Variants in GABRB3 observed in about 807,000 individuals in gnomAD.
The protein encoded by GABRB3 is gamma-aminobutyric acid receptor subunit beta-3.
A neutral mutation model predicts 52.1 loss-of-function variants in GABRB3; 14 were observed. That is an observed-to-expected ratio of 0.27 (90% confidence interval 0.18 to 0.42). The LOEUF is 0.42. GABRB3 is among the 10% of genes least tolerant of loss of function. The probability of loss-of-function intolerance (pLI) is 1.00; values close to 1 mark genes in which losing one functional copy is unlikely to be tolerated. For missense variants in GABRB3, 307 were observed against 609.1 expected, an observed-to-expected ratio of 0.50 and a Z score of 5.22; for synonymous variants, 260 against 232.3, an observed-to-expected ratio of 1.12 and a Z score of -1.08.
At chr15:26,635,626 A>T (rs1893037586) in intron 3 of GABRB3, among the ~76,000 whole-genome samples, 1 of 152,172 alleles carries the variant, frequency 6.6e-6, no homozygotes, top group South Asian at 2.1e-4. Flanking sequence ...ACCTTTCTTA[A>T]TGGGTTTTTT....
intron 6 of GABRB3, among the ~76,000 whole-genome samples, chr15:26,571,156 C>CCTTT (rs1432989907): frequency 1.3e-5 from 2 of 152,132 alleles, no homozygotes; most frequent in African/African-American, 4.8e-5. Context: ...CAACCTCAGA[C>CCTTT]CTTTCTTATC....
At chr15:26,746,831 C>CA (rs1362855862) in intron 3 of GABRB3, among the ~76,000 whole-genome samples, 2 of 151,964 alleles carry the variant, frequency 1.3e-5, no homozygotes, top group African/African-American at 4.8e-5. Context: ...ACTAAAAATA[C>CA]AAAAAATTAG....
At chr15:26,624,408 AG>A in intron 3 of GABRB3, 1 of 985,476 alleles carries the variant, frequency 1.0e-6, no homozygotes, top group Non-Finnish European at 1.2e-6. Flanking sequence ...CGCGATGTCT[AG>A]CGCCCTTCTC....
At chr15:26,741,589 T>C (rs1029468915) in intron 3 of GABRB3, among the ~76,000 whole-genome samples, 1 of 152,286 alleles carries the variant, frequency 6.6e-6, no homozygotes, top group Middle Eastern at 3.4e-3. Context: ...CAGCATCATG[T>C]GAGTATATAC....
chr15:26,739,082 C>T (rs1890137110), intron 3 of GABRB3, among the ~76,000 whole-genome samples: 2 of 152,084 alleles, frequency 1.3e-5, no homozygotes, highest in Admixed American at 1.3e-4. Flanking sequence ...CACCGTGGCC[C>T]GCAGTGACCC....
chr15:26,626,599 C>A (rs1222440444), intron 3 of GABRB3, among the ~76,000 whole-genome samples: 1 of 152,164 alleles, frequency 6.6e-6, no homozygotes, highest in African/African-American at 2.4e-5. Flanking sequence ...AGTCCAACAG[C>A]CTTACTGCTG....
chr15:26,760,335 C>T (rs2140182384), intron 3 of GABRB3, among the ~76,000 whole-genome samples: 1 of 152,292 alleles, frequency 6.6e-6, no homozygotes, highest in East Asian at 1.9e-4. Flanking sequence ...TCCATTCCAG[C>T]ACCCTCATTA....
At position 26,640,671 on chromosome 15, in the gene GABRB3, G is replaced by C. The variant is rs558545470; in HGVS notation, c.241-19137C>G. On this transcript the variant is annotated intron_variant, in intron 3 of 8. Transcript: ENST00000311550. ...GAGAGTTGCCTCAAGTTGGATAGCA[G>C]CTAGACGATTTTTACTGTGAGAACA... Among the ~76,000 whole-genome samples, 3 of 152,356 alleles carry C rather than the reference G, an allele frequency of 2.0e-5. No individual in the cohort carries two copies. In the East Asian group the frequency reaches 5.8e-4, roughly 29 times the overall value.
intron 3 of GABRB3, among the ~76,000 whole-genome samples, chr15:26,765,653 C>T (rs551702098): frequency 6.6e-6 from 1 of 152,234 alleles, no homozygotes; most frequent in South Asian, 2.1e-4. Context: ...ATGCAAAGAA[C>T]GGCTCATAGA....
chr15:26,566,476 A>T (rs1217348159), intron 7 of GABRB3, among the ~76,000 whole-genome samples: 11 of 152,240 alleles, frequency 7.2e-5, no homozygotes, highest in Non-Finnish European at 1.5e-4. Context: ...ATATACTCCT[A>T]GCACTCTGGG....
At chr15:26,652,022 G>A (rs538424641) in intron 3 of GABRB3, among the ~76,000 whole-genome samples, 1 of 152,202 alleles carries the variant, frequency 6.6e-6, no homozygotes, top group African/African-American at 2.4e-5. Flanking sequence ...TAAGGTCTGA[G>A]AAGAGACATT....
intron 8 of GABRB3, among the ~76,000 whole-genome samples, chr15:26,554,176 G>GAGTATATATATATATATATATATATATA (rs71420007): frequency 2.2e-4 from 6 of 27,344 alleles, no homozygotes; most frequent in South Asian, 1.7e-3. Context: ...TATATATAAA[G>GAGTATATATATATATATATATATATATA]TATATATATA....
At chr15:26,744,421 A>G (rs988413470) in intron 3 of GABRB3, among the ~76,000 whole-genome samples, 7 of 108,654 alleles carry the variant, frequency 6.4e-5, no homozygotes, top group Admixed American at 1.2e-4. Context: ...CTCATCAACA[A>G]TAACAGAAAA....
chr15:26,593,929 C>G (rs1208303902), intron 4 of GABRB3, among the ~76,000 whole-genome samples: 6 of 149,138 alleles, frequency 4.0e-5, no homozygotes, highest in South Asian at 2.2e-4. Context: ...TCAGCAATCC[C>G]TAAGTGCCTA....
intron 3 of GABRB3, among the ~76,000 whole-genome samples, chr15:26,652,257 A>G (rs1397914298): frequency 6.6e-6 from 1 of 152,220 alleles, no homozygotes; most frequent in Non-Finnish European, 1.5e-5. Flanking sequence ...TCGTGGCACA[A>G]CCAATGTATA....
intron 3 of GABRB3, among the ~76,000 whole-genome samples, chr15:26,747,831 G>A (rs1027630500): frequency 6.6e-6 from 1 of 151,132 alleles, no homozygotes; most frequent in Non-Finnish European, 1.5e-5. Context: ...TAGGATTTTT[G>A]TAGATTCTCT....
At chr15:26,575,450 T>C (rs1341405782) in intron 6 of GABRB3, among the ~76,000 whole-genome samples, 1 of 152,196 alleles carries the variant, frequency 6.6e-6, no homozygotes, top group Non-Finnish European at 1.5e-5. Flanking sequence ...GAATTTAAGG[T>C]CAAATTAAAT....
intron 6 of GABRB3, among the ~76,000 whole-genome samples, chr15:26,573,410 TA>T (rs1328183858): frequency 6.6e-6 from 1 of 152,166 alleles, no homozygotes; most frequent in African/African-American, 2.4e-5. Context: ...ATTGGGGTTT[TA>T]AAAAAAATTG....
At chr15:26,736,168 C>T (rs1890061408) in intron 3 of GABRB3, among the ~76,000 whole-genome samples, 1 of 152,060 alleles carries the variant, frequency 6.6e-6, no homozygotes, top group African/African-American at 2.4e-5. Flanking sequence ...AATTATTGCA[C>T]AAAAGTGCAA....
Sources: allele counts gnomAD v4.1 joint callset (sites outside exome capture counted in the v4.1 genomes callset), GRCh38; gene constraint gnomAD v4.1.1; transcripts MANE v1.5; gene names NCBI Gene and HGNC (gene_info 2026-07-23, HGNC 2026-07-21).